Variants in ZDHHC17 observed in about 807,000 individuals in gnomAD.
ZDHHC17 encodes zDHHC palmitoyltransferase 17.
A neutral mutation model predicts 90.3 loss-of-function variants in ZDHHC17; 40 were observed. The ratio of observed to expected loss-of-function variants is 0.44; its 90% CI spans 0.34 to 0.58. ZDHHC17 has a LOEUF of 0.58. Ranked by LOEUF, ZDHHC17 falls within the 20% of genes least tolerant of loss-of-function variation. ZDHHC17 has a pLI of 0.01. For missense variants in ZDHHC17, 614 were observed against 780.8 expected (o/e 0.79, Z 2.55); for synonymous variants, 235 against 252.4 (o/e 0.93, Z 0.65).
intron 10 of ZDHHC17, among the ~76,000 whole-genome samples, chr12:76,832,542 T>C (rs1426243459): frequency 1.3e-5 from 2 of 152,264 alleles, no homozygotes; most frequent in Non-Finnish European, 2.9e-5. Flanking sequence ...AGTTGATCAC[T>C]ACATAACCTT....
chr12:76,830,177 AGT>A (rs1233388042), intron 10 of ZDHHC17, among the ~76,000 whole-genome samples: 2 of 152,246 alleles, frequency 1.3e-5, no homozygotes, highest in African/African-American at 4.8e-5. Flanking sequence ...CATTACAAAA[AGT>A]ATATGATATG....
chr12:76,817,782 TTAATGA>T (rs772068107), intron 7 of ZDHHC17, among the ~76,000 whole-genome samples: 38 of 152,096 alleles, frequency 2.5e-4, no homozygotes, highest in Non-Finnish European at 4.7e-4. Context: ...CAACAGAAAG[TTAATGA>T]TAAGAGTAGA....
chr12:76,823,295 G>A (rs1484632643), intron 8 of ZDHHC17, among the ~76,000 whole-genome samples: 1 of 152,128 alleles, frequency 6.6e-6, no homozygotes, highest in East Asian at 1.9e-4. Context: ...TTTGTGATAT[G>A]TTGTATACCT....
chr12:76,814,815 A>G (rs187350660), intron 5 of ZDHHC17, among the ~76,000 whole-genome samples: 276 of 152,138 alleles, frequency 1.8e-3, no homozygotes, highest in Non-Finnish European at 2.6e-3. Context: ...CTTATGCATT[A>G]GTATAAACAA....
At chr12:76,793,553 C>T (rs1952785150) in intron 1 of ZDHHC17, among the ~76,000 whole-genome samples, 1 of 152,166 alleles carries the variant, frequency 6.6e-6, no homozygotes, top group Admixed American at 6.5e-5. Context: ...AGTTTGAAAT[C>T]TCTGAGCTCT....
Position 76,851,265 on chromosome 12 carries a change from CA to C in ZDHHC17, c.*281del, listed in dbSNP as rs1953564403. ...ACTCAACTTTTGGGTTTTGTTCTCA[CA>C]GTATTTTTCACAAAAAAAGGGTAAA... On this transcript the variant is annotated 3_prime_UTR_variant, in exon 17 of 17. Transcript: ENST00000426126. The C allele has an allele frequency of 2.8e-6, 1 of 356,574 alleles. No homozygotes were observed. Among genetic ancestry groups the C allele is most frequent in the South Asian group, 3.1e-5 (1 of 32,716 alleles). 22.1% of individuals were successfully genotyped at this position (356,574 alleles called of 1,614,324 possible).
At chr12:76,828,586 C>A in intron 10 of ZDHHC17, 96 bp downstream of exon 10, 2 of 971,956 alleles carry the variant, frequency 2.1e-6, no homozygotes, top group South Asian at 1.8e-5. Flanking sequence ...TCTACTCATT[C>A]ATAATACATT....
At chr12:76,787,632 C>T (rs1456192221) in intron 1 of ZDHHC17, among the ~76,000 whole-genome samples, 2 of 152,056 alleles carry the variant, frequency 1.3e-5, no homozygotes, top group Non-Finnish European at 2.9e-5. Flanking sequence ...CTCTCTCTCT[C>T]TCTCTCTCTG....
intron 16 of ZDHHC17, among the ~76,000 whole-genome samples, chr12:76,850,379 A>G (rs1953549519): frequency 6.6e-6 from 1 of 152,052 alleles, no homozygotes; most frequent in African/African-American, 2.4e-5. Flanking sequence ...TTTTAGAGAT[A>G]GTTTGTCTCC....
chr12:76,826,602 A>G (rs932685114), intron 8 of ZDHHC17, among the ~76,000 whole-genome samples: 2 of 152,160 alleles, frequency 1.3e-5, no homozygotes, highest in Non-Finnish European at 2.9e-5. Flanking sequence ...GGTATTTTTC[A>G]TGAACTGTTT....
chr12:76,788,568 T>C (rs772812720), intron 1 of ZDHHC17, among the ~76,000 whole-genome samples: 4 of 151,806 alleles, frequency 2.6e-5, no homozygotes, highest in Non-Finnish European at 5.9e-5. Flanking sequence ...TATAAAAGTG[T>C]AATACAAATA....
intron 1 of ZDHHC17, among the ~76,000 whole-genome samples, chr12:76,771,794 A>G (rs1394459194): frequency 1.3e-5 from 2 of 152,168 alleles, no homozygotes; most frequent in Non-Finnish European, 2.9e-5. Flanking sequence ...CTTGTTGTGT[A>G]AGGATCCTCT....
chr12:76,816,054 A>G, intron 7 of ZDHHC17, 35 bp downstream of exon 7: 1 of 1,396,292 alleles, frequency 7.2e-7, no homozygotes. Context: ...ACTGTATGAA[A>G]TGTGGCTAAT....
intron 1 of ZDHHC17, among the ~76,000 whole-genome samples, chr12:76,791,052 TTG>T (rs1952753662): frequency 6.6e-6 from 1 of 152,202 alleles, no homozygotes; most frequent in African/African-American, 2.4e-5. Context: ...TATACCTGTA[TTG>T]AAATATCACT....
intron 10 of ZDHHC17, among the ~76,000 whole-genome samples, chr12:76,831,733 A>G (rs187617854): frequency 6.6e-6 from 1 of 151,712 alleles, no homozygotes; most frequent in Admixed American, 6.6e-5. Flanking sequence ...TGCTGCCTCA[A>G]CCTCCCAGGC....
At chr12:76,816,095 A>G (rs1203369997) in intron 7 of ZDHHC17, 76 bp downstream of exon 7, 195 of 1,217,380 alleles carry the variant, frequency 1.6e-4, no homozygotes, top group South Asian at 2.8e-4. Flanking sequence ...CAAGTTTTTC[A>G]TAGACTGTCA....
chr12:76,774,335 C>A (rs950968896), intron 1 of ZDHHC17, among the ~76,000 whole-genome samples: 19 of 146,050 alleles, frequency 1.3e-4, no homozygotes, highest in Non-Finnish European at 2.5e-4. Context: ...TATATACATA[C>A]ACACACACAC....
At chr12:76,834,262 TTGAC>T (rs940343335) in intron 10 of ZDHHC17, among the ~76,000 whole-genome samples, 8 of 152,246 alleles carry the variant, frequency 5.3e-5, no homozygotes, top group African/African-American at 1.7e-4. Context: ...AAATCTAAAA[TTGAC>T]TGACATAGTA....
chr12:76,822,442 A>C lies in ZDHHC17; in HGVS notation c.808A>C (p.Asn270His). ...SALDLAKQRK[N>H]VWMINHLQEA... is the part of the protein sequence containing the mutation. ...GCTTGATTTGGCAAAACAGAGAAAA[A>C]ATGTGTGGATGATCAACCACTTACA... Residue 270 changes from asparagine (N) to histidine (H), a missense_variant, in exon 8 of 17, where the codon AAT (asparagine) becomes CAT (histidine). Asn to His is a moderately conservative substitution (Grantham distance 68). Around this residue, in one of 5 missense-constraint regions of ZDHHC17, gnomAD observed 358 missense variants for 380.4 expected, o/e 0.94. Transcript: ENST00000426126. 1.2e-6 allele frequency: 2 copies of C among 1,613,924 alleles called. No homozygotes were observed. Among genetic ancestry groups the C allele is most frequent in the Non-Finnish European group, 1.7e-6 (2 of 1,179,866 alleles).
Sources: gnomAD v4.1 joint callset for allele counts (sites outside exome capture counted in the v4.1 genomes callset) on GRCh38, gnomAD v4.1.1 for gene constraint, gnomAD v4.1.1 regional missense constraint, MANE v1.5 for transcripts, NCBI Gene and HGNC (gene_info 2026-07-23, HGNC 2026-07-21) for gene names.